The following DNAH17 variants were observed in gnomAD, a reference collection of about 807,000 sequenced individuals.
DNAH17 encodes the protein axonemal beta dynein heavy chain 17.
Under a neutral mutation model 485.6 loss-of-function variants are expected in DNAH17, and 376 were observed. The observed-to-expected ratio is 0.77, with a 90% CI of 0.71 to 0.84. DNAH17 has a LOEUF of 0.84. Ranked by LOEUF, DNAH17 falls within the 40% of genes least tolerant of loss-of-function variation. DNAH17 has a pLI of 0.00. For missense variants in DNAH17, 6,370 were observed against 5,839.3 expected, an observed-to-expected ratio of 1.09 and a Z score of -2.96; for synonymous variants, 3,031 against 2,405.9, an observed-to-expected ratio of 1.26 and a Z score of -7.60.
intron 71 of DNAH17, among the ~76,000 whole-genome samples, chr17:78,442,645 AC>A (rs147208388): frequency 0.08 from 12,177 of 152,260 alleles, 542 homozygotes; most frequent in Middle Eastern, 0.12. Context: ...GGTTCGTCAG[AC>A]CTCACCACCT....
intron 33 of DNAH17, 148 bp from the exon 34 acceptor site, chr17:78,502,021 G>T: frequency 8.8e-7 from 1 of 1,141,976 alleles, no homozygotes; most frequent in Non-Finnish European, 1.2e-6. Context: ...GTAGGCCCCA[G>T]CCAGGCACTG....
intron 19 of DNAH17, among the ~76,000 whole-genome samples, chr17:78,533,461 C>T (rs1352507920): frequency 6.6e-6 from 1 of 152,152 alleles, no homozygotes; most frequent in South Asian, 2.1e-4. Context: ...TGGGAGGAGG[C>T]AGCGTGTTAG....
chr17:78,433,573 C>T (rs981357785), intron 75 of DNAH17, among the ~76,000 whole-genome samples: 2 of 152,160 alleles, frequency 1.3e-5, no homozygotes, highest in Admixed American at 6.5e-5. Context: ...GTCCCTCCTG[C>T]TCCAAACCTG....
Position 78,423,915 on chromosome 17 carries a change from T to C in DNAH17, c.13380A>G (p.Leu4460=). The change falls in exon 81 of 81, where the codon CTA becomes CTG. Residue 4460 remains leucine, a synonymous_variant. Coordinates refer to ENST00000389840, the MANE Select transcript of DNAH17 (RefSeq NM_173628.4). The part of the protein sequence containing the change: ...KWILAAVALL[L]QV ...GTGAGGCAGGAGCGAGCTAAACCTGTAGGAGCAGCGCCACGGCTGCCAGGA... is the reference window on the plus strand; with the variant it reads ...GTGAGGCAGGAGCGAGCTAAACCTGCAGGAGCAGCGCCACGGCTGCCAGGA... The C allele has an allele frequency of 1.2e-6, 2 of 1,613,962 alleles. No homozygotes were observed. The highest frequency in any genetic ancestry group is 1.7e-6 in the Non-Finnish European group (2 of 1,179,880).
chr17:78,465,819 C>A (rs1339959846), intron 56 of DNAH17, among the ~76,000 whole-genome samples: 2 of 149,820 alleles, frequency 1.3e-5, no homozygotes, highest in Non-Finnish European at 3.0e-5. Context: ...GGGGGTCAGC[C>A]CCCCGCCCGG....
intron 18 of DNAH17, among the ~76,000 whole-genome samples, chr17:78,538,958 C>A (rs753997999): frequency 4.6e-5 from 7 of 152,202 alleles, no homozygotes; most frequent in Non-Finnish European, 1.0e-4. Context: ...CAGGGCTGGG[C>A]ACAGTGGTTC....
At chr17:78,542,761 C>T (rs1568226933) in intron 17 of DNAH17, among the ~76,000 whole-genome samples, 2 of 152,186 alleles carry the variant, frequency 1.3e-5, no homozygotes, top group African/African-American at 4.8e-5. Flanking sequence ...GCAAAGCAGG[C>T]GTGCATTATC....
chr17:78,546,383 G>A (rs1274910490), intron 16 of DNAH17, among the ~76,000 whole-genome samples: 1 of 151,986 alleles, frequency 6.6e-6, no homozygotes, highest in African/African-American at 2.4e-5. Flanking sequence ...AATCTATTTT[G>A]CTTTTAAATA....
intron 69 of DNAH17, among the ~76,000 whole-genome samples, chr17:78,446,173 CAAAAAAAA>C (rs1157464118): frequency 0.016 from 907 of 57,412 alleles, 26 homozygotes; most frequent in Non-Finnish European, 0.018. Flanking sequence ...GACTCTGTCT[CAAAAAAAA>C]AAAAAAAAAA....
intron 19 of DNAH17, among the ~76,000 whole-genome samples, chr17:78,535,250 T>C (rs2091344694): frequency 6.6e-6 from 1 of 152,198 alleles, no homozygotes; most frequent in Admixed American, 6.5e-5. Flanking sequence ...TCTGAGGACA[T>C]GTGCTAACCT....
At chr17:78,505,212 A>G in intron 31 of DNAH17, 81 bp downstream of exon 31, 2 of 1,565,748 alleles carry the variant, frequency 1.3e-6, no homozygotes, top group Non-Finnish European at 1.7e-6. Flanking sequence ...TTCTCCGGAC[A>G]TCGCCATCTG....
rs751760128 is a variant in DNAH17 at position 78,444,813 on chromosome 17, GC to G, written c.11335-17del. 3 of 1,547,222 alleles carry G rather than the reference GC, an allele frequency of 1.9e-6. No individual in the cohort carries two copies. The African/African-American group carries it at 4.2e-5, about 21-fold the overall frequency. On this transcript the variant is annotated splice_polypyrimidine_tract_variant and intron_variant, in intron 70 of 80. Coordinates refer to ENST00000389840, the MANE Select transcript of DNAH17 (RefSeq NM_173628.4). Reference sequence around the variant, plus strand: ...CCGAGAGGGCCTAGGGGCAGAGGCAGCGGGCCCTGTGACTCTTCCCACTTAC... The same window carrying G: ...CCGAGAGGGCCTAGGGGCAGAGGCAGGGGCCCTGTGACTCTTCCCACTTAC...
intron 31 of DNAH17, among the ~76,000 whole-genome samples, chr17:78,504,738 G>T (rs1161559857): frequency 6.6e-6 from 1 of 152,128 alleles, no homozygotes; most frequent in African/African-American, 2.4e-5. Flanking sequence ...CGCTTGCTGG[G>T]GAAGGAAGAG....
chr17:78,492,772 A>G lies in DNAH17; in HGVS notation c.6409-7T>C. On this transcript the variant is annotated splice_polypyrimidine_tract_variant and splice_region_variant and intron_variant, in intron 41 of 80. Coordinates refer to ENST00000389840, the MANE Select transcript of DNAH17 (RefSeq NM_173628.4). ...TGTTGAGGGATTTGAGGACCTGGCG[A>G]AGGTGGGGGTCACTCACGTGTGACT... 6.2e-7 allele frequency: 1 copy of G among 1,608,384 alleles called. No individual in the cohort carries two copies. The highest frequency in any genetic ancestry group is 1.1e-5 in the South Asian group (1 of 90,246).
chr17:78,514,339 T>C (rs2090717390), intron 26 of DNAH17, among the ~76,000 whole-genome samples: 3 of 151,692 alleles, frequency 2.0e-5, no homozygotes, highest in Middle Eastern at 3.4e-3. Context: ...ACCCCGTCTG[T>C]ACTAAAAATA....
chr17:78,502,282 C>G (rs1482266176), intron 33 of DNAH17: 1 of 338,372 alleles, frequency 3.0e-6, no homozygotes, highest in Non-Finnish European at 5.4e-6. Flanking sequence ...TCAAGATGAT[C>G]TTTTGTTTCC....
In DNAH17 at chr17:78,506,809, C is replaced by G; in HGVS notation, c.4714G>C (p.Glu1572Gln). The part of the protein sequence containing the change: ...ICEKALAEYL[E>Q]TKRLAFPRFY... ...CGGGGGAAAGCCAGTCTTTTCGTCT[C>G]TAAATACTCTGCCAAAGCCTTTTCA... The change falls in exon 30 of 81, where the codon GAG (glutamate) becomes CAG (glutamine). Residue 1572 changes from glutamate to glutamine, a missense_variant. Transcript: ENST00000389840. 1 of 1,613,986 alleles carries G rather than the reference C, an allele frequency of 6.2e-7. No homozygotes were observed.
intron 48 of DNAH17, among the ~76,000 whole-genome samples, chr17:78,482,070 C>CCT (rs2089372731): frequency 7.7e-6 from 1 of 130,664 alleles, no homozygotes; most frequent in South Asian, 2.5e-4. Context: ...ACACTAGTTA[C>CCT]TTTTTTTTTT....
intron 77 of DNAH17, 121 bp downstream of exon 77, chr17:78,428,404 G>T: frequency 1.6e-6 from 2 of 1,255,548 alleles, no homozygotes; most frequent in Non-Finnish European, 2.3e-6. Context: ...CAAGCCCAAG[G>T]CTGGGGCAGA....
Sources: gnomAD v4.1 joint callset for allele counts (sites outside exome capture counted in the v4.1 genomes callset) on GRCh38, gnomAD v4.1.1 for gene constraint, MANE v1.5 for transcripts, NCBI Gene and HGNC (gene_info 2026-07-23, HGNC 2026-07-21) for gene names.